ZNF532: variants seen among roughly 807,000 people sequenced by gnomAD.
The protein encoded by ZNF532 is zinc finger protein 532.
In ZNF532, 22 loss-of-function variants were observed where a neutral mutation model predicts 89.3. The observed-to-expected ratio is 0.25, with a 90% CI of 0.18 to 0.35. The LOEUF (loss-of-function observed/expected upper bound fraction) is 0.35, where lower values mean the gene tolerates loss of function less well. Among genes scored for constraint, ZNF532 ranks in the 10% least tolerant of loss-of-function variants. The pLI is 1.00. For synonymous variants in ZNF532, 606 were observed against 649.6 expected, an observed-to-expected ratio of 0.93 and a Z score of 1.02; for missense variants, 1,132 against 1,643.4, an observed-to-expected ratio of 0.69 and a Z score of 5.38.
intron 2 of ZNF532, among the ~76,000 whole-genome samples, chr18:58,874,688 G>C (rs2057289366): frequency 6.6e-6 from 1 of 152,056 alleles, no homozygotes; most frequent in African/African-American, 2.4e-5. Flanking sequence ...TTTGCTTCTG[G>C]AAAAATTTTC....
chr18:58,877,659 A>AG (rs771792188), intron 2 of ZNF532, among the ~76,000 whole-genome samples: 2 of 152,196 alleles, frequency 1.3e-5, no homozygotes, highest in Non-Finnish European at 2.9e-5. Context: ...TCGTTGGCTA[A>AG]GTCTGTCAAC....
At chr18:58,908,498 T>C (rs2060083060) in intron 2 of ZNF532, among the ~76,000 whole-genome samples, 1 of 152,198 alleles carries the variant, frequency 6.6e-6, no homozygotes, top group African/African-American at 2.4e-5. Flanking sequence ...TCATCATTCA[T>C]TGATTTATAA....
intron 2 of ZNF532, among the ~76,000 whole-genome samples, chr18:58,916,209 A>G (rs534799733): frequency 1.3e-5 from 2 of 152,374 alleles, no homozygotes; most frequent in East Asian, 1.9e-4. Flanking sequence ...CAACACCAGG[A>G]TGATGAATAG....
chr18:58,971,062 C>T (rs1188737707), intron 7 of ZNF532, among the ~76,000 whole-genome samples: 1 of 152,192 alleles, frequency 6.6e-6, no homozygotes, highest in Non-Finnish European at 1.5e-5. Flanking sequence ...TACTGTTCTG[C>T]GTCATTACTT....
chr18:58,968,489 G>A (rs75897865), intron 7 of ZNF532, among the ~76,000 whole-genome samples: 3 of 152,308 alleles, frequency 2.0e-5, no homozygotes, highest in East Asian at 3.9e-4. Flanking sequence ...ATACCTGGAA[G>A]CTTACAGATG....
chr18:58,970,528 T>C (rs906135830), intron 7 of ZNF532, among the ~76,000 whole-genome samples: 1 of 152,134 alleles, frequency 6.6e-6, no homozygotes, highest in African/African-American at 2.4e-5. Flanking sequence ...CATAGTCAGG[T>C]GGTCTCTGGT....
chr18:58,975,041 G>A (rs971131987), intron 7 of ZNF532, among the ~76,000 whole-genome samples: 4 of 152,180 alleles, frequency 2.6e-5, no homozygotes, highest in Non-Finnish European at 4.4e-5. Context: ...CAGCAGAAAC[G>A]GGCTGTAGTA....
At chr18:58,876,380 C>T (rs2057433727) in intron 2 of ZNF532, among the ~76,000 whole-genome samples, 1 of 152,200 alleles carries the variant, frequency 6.6e-6, no homozygotes, top group African/African-American at 2.4e-5. Context: ...CTCTGCTCCT[C>T]CCTTGGTCTC....
intron 2 of ZNF532, among the ~76,000 whole-genome samples, chr18:58,892,362 G>A (rs1344818212): frequency 6.6e-6 from 1 of 152,198 alleles, no homozygotes; most frequent in Non-Finnish European, 1.5e-5. Context: ...TTGACATGGA[G>A]TGTCTGATTT....
intron 6 of ZNF532, among the ~76,000 whole-genome samples, chr18:58,950,735 C>T (rs544878119): frequency 2.6e-4 from 40 of 152,128 alleles, no homozygotes; most frequent in Non-Finnish European, 3.7e-4. Context: ...GACACTCATT[C>T]AAATTAATTA....
chr18:58,976,105 G>C (rs571095899), intron 7 of ZNF532, among the ~76,000 whole-genome samples: 1 of 152,330 alleles, frequency 6.6e-6, no homozygotes, highest in South Asian at 2.1e-4. Flanking sequence ...GAGGAAGAAA[G>C]TTGTCTGTTA....
chr18:58,867,786 T>G (rs1424133935), intron 2 of ZNF532, among the ~76,000 whole-genome samples: 1 of 152,220 alleles, frequency 6.6e-6, no homozygotes, highest in African/African-American at 2.4e-5. Flanking sequence ...CTTTGCCTAT[T>G]CAATCATTTT....
chr18:58,892,679 G>T (rs1602723066), intron 2 of ZNF532, among the ~76,000 whole-genome samples: 1 of 152,254 alleles, frequency 6.6e-6, no homozygotes, highest in Non-Finnish European at 1.5e-5. Flanking sequence ...TGCTACTTTG[G>T]CATTCAAGTT....
chr18:58,919,018 T>G lies in ZNF532; in HGVS notation c.731T>G (p.Leu244Arg), dbSNP rs576606728. Residue 244 changes from leucine (L) to arginine (R), a missense_variant, in exon 3 of 10, where the codon CTG becomes CGG. By Grantham distance (102) the Leu-to-Arg change is moderately radical. Coordinates refer to ENST00000591808, the MANE Select transcript of ZNF532 (RefSeq NM_001375912.1). The surrounding 1 kb of genome is among the most constrained non-coding windows in gnomAD (Gnocchi z 6.1). The stretch of plus-strand genomic sequence containing the variant: ...GAAAACAGAGTCCTAGATGGGAAGC[T>G]GAGCTCCGAGAAGAATGACACCAGC... Reference protein sequence around the residue: ...VLENRVLDGKLSSEKNDTSLP... With the variant: ...VLENRVLDGKRSSEKNDTSLP... 6.2e-7 allele frequency: 1 copy of G among 1,613,634 alleles called. No individual in the cohort carries two copies. The highest frequency in any genetic ancestry group is 1.1e-5 in the South Asian group (1 of 91,080).
chr18:58,906,616 T>G lies in ZNF532; in HGVS notation c.-17-11655T>G, dbSNP rs78924546. 4.9e-3 allele frequency among the ~76,000 whole-genome samples: 746 copies of G among 152,328 alleles called. 7 individuals are homozygous for G. The highest frequency in any genetic ancestry group is 0.016 in the African/African-American group (677 of 41,572). ...TTGTCTTCCTCACTTTTGGTTGTTGTCAGGCACCTGCACCGGTGCTGGGTT... is the reference window on the plus strand; with the variant it reads ...TTGTCTTCCTCACTTTTGGTTGTTGGCAGGCACCTGCACCGGTGCTGGGTT... On this transcript the variant is annotated intron_variant, in intron 2 of 9. Transcript: ENST00000591808.
chr18:58,924,048 G>C (rs970760609), intron 3 of ZNF532, among the ~76,000 whole-genome samples: 2 of 152,116 alleles, frequency 1.3e-5, no homozygotes, highest in African/African-American at 4.8e-5. Context: ...GTAGAGACGG[G>C]GTTTCACCAT....
chr18:58,956,792 A>G lies in ZNF532; in HGVS notation c.3150+2993A>G, dbSNP rs552515606. On this transcript the variant is annotated intron_variant, in intron 7 of 9. Coordinates refer to ENST00000591808, the MANE Select transcript of ZNF532 (RefSeq NM_001375912.1). ...TTTCACATGATTAGCAGTTCTTTCT[A>G]AAAGCATTTTCTACCCTTATTGTGG... is the stretch of plus-strand genomic sequence containing the variant. 1.5e-4 allele frequency among the ~76,000 whole-genome samples: 23 copies of G among 152,256 alleles called. No homozygotes were observed. In the South Asian group the frequency reaches 4.2e-3, roughly 28 times the overall value.
chr18:58,969,124 C>T (rs2066210302), intron 7 of ZNF532, among the ~76,000 whole-genome samples: 1 of 152,034 alleles, frequency 6.6e-6, no homozygotes, highest in Non-Finnish European at 1.5e-5. Context: ...ACTTCAGACC[C>T]AGAGGGATTG....
chr18:58,870,559 T>C (rs1398795703), intron 2 of ZNF532, among the ~76,000 whole-genome samples: 1 of 152,156 alleles, frequency 6.6e-6, no homozygotes, highest in East Asian at 1.9e-4. Context: ...GAGGATGGAC[T>C]TCTGTGTAGG....
Sources: allele counts gnomAD v4.1 joint callset (sites outside exome capture counted in the v4.1 genomes callset), GRCh38; gene constraint gnomAD v4.1.1; non-coding constraint Gnocchi (gnomAD v3.1); transcripts MANE v1.5; gene names NCBI Gene and HGNC (gene_info 2026-07-23, HGNC 2026-07-21).